The following PRKAR1A variants were observed in gnomAD, a reference collection of about 807,000 sequenced individuals.
PRKAR1A encodes cAMP-dependent protein kinase type I-alpha regulatory subunit.
A neutral mutation model predicts 52.0 loss-of-function variants in PRKAR1A; 3 were observed. That is an observed-to-expected ratio of 0.06 (90% CI 0.03 to 0.15). The LOEUF is 0.15. Ranked by LOEUF, PRKAR1A falls within the 10% of genes least tolerant of loss-of-function variation. The probability of loss-of-function intolerance (pLI) is 1.00; values close to 1 mark genes in which losing one functional copy is unlikely to be tolerated. For missense variants in PRKAR1A, 240 were observed against 477.4 expected (o/e 0.50, Z 4.63); for synonymous variants, 188 against 168.4 (o/e 1.12, Z -0.90).
the PRKAR1A span, among the ~76,000 whole-genome samples, chr17:68,506,143 T>TA: frequency 6.6e-6 from 1 of 152,188 alleles, no homozygotes; most frequent in Non-Finnish European, 1.5e-5. Flanking sequence ...CCAGATGGCT[T>TA]ACAACATCTA....
chr17:68,527,037 T>C (rs1031367509), intron 7 of PRKAR1A, among the ~76,000 whole-genome samples: 6 of 152,232 alleles, frequency 3.9e-5, no homozygotes, highest in Non-Finnish European at 5.9e-5. Flanking sequence ...CTGCATTTCC[T>C]CTACAGGAAT....
At chr17:68,437,685 A>G in the PRKAR1A span, among the ~76,000 whole-genome samples, 11 of 152,214 alleles carry the variant, frequency 7.2e-5, no homozygotes, top group African/African-American at 2.7e-4. Context: ...CTAGACATTG[A>G]GACAAACTAA....
the PRKAR1A span, among the ~76,000 whole-genome samples, chr17:68,434,139 C>A: frequency 6.6e-6 from 1 of 152,126 alleles, no homozygotes; most frequent in East Asian, 1.9e-4. Flanking sequence ...AGGAACTGTG[C>A]CTTCCTGGCA....
intron 2 of PRKAR1A, among the ~76,000 whole-genome samples, chr17:68,521,323 A>G (rs1252561490): frequency 6.6e-6 from 1 of 151,866 alleles, no homozygotes; most frequent in Admixed American, 6.6e-5. Context: ...TCTACCTTCC[A>G]GGCTCAGGTG....
downstream of PRKAR1A, chr17:68,535,140 C>T: frequency 8.0e-6 from 3 of 373,566 alleles, no homozygotes; most frequent in Non-Finnish European, 1.6e-5. Context: ...CTTTTTATTT[C>T]ATGGGAGGTA....
At chr17:68,516,630 C>T (rs1485903998) in intron 2 of PRKAR1A, among the ~76,000 whole-genome samples, 1 of 151,706 alleles carries the variant, frequency 6.6e-6, no homozygotes, top group African/African-American at 2.4e-5. Context: ...CTGTACTAAG[C>T]TTTAAAAAGT....
At chr17:68,509,762 G>A (rs138818014), upstream of PRKAR1A, among the ~76,000 whole-genome samples, 46 of 152,224 alleles carry the variant, frequency 3.0e-4, no homozygotes, top group African/African-American at 8.4e-4. Flanking sequence ...AACTTTCCCC[G>A]GGCTCAACTG....
the PRKAR1A span, chr17:68,457,200 A>ATC: frequency 1.0e-6 from 1 of 963,108 alleles, no homozygotes; most frequent in Non-Finnish European, 1.5e-6. Flanking sequence ...GGATAACAAG[A>ATC]TCCCAATGCG....
intron 5 of PRKAR1A, 104 bp downstream of exon 5, chr17:68,524,181 C>T (rs2085710163): frequency 1.4e-5 from 17 of 1,178,010 alleles, no homozygotes; most frequent in Non-Finnish European, 2.0e-5. Context: ...TTTGATCCTA[C>T]CACTTTTTTT....
the PRKAR1A span, among the ~76,000 whole-genome samples, chr17:68,431,913 T>C: frequency 6.6e-6 from 1 of 152,142 alleles, no homozygotes; most frequent in African/African-American, 2.4e-5. Context: ...GCAATTGCGA[T>C]CACTCACTCG....
At chr17:68,467,291 C>T in the PRKAR1A span, among the ~76,000 whole-genome samples, 228 of 152,290 alleles carry the variant, frequency 1.5e-3, 1 homozygote, top group African/African-American at 5.2e-3. Context: ...AGTGGAATTG[C>T]TGGGTCACCT....
chr17:68,468,671 C>T, the PRKAR1A span, among the ~76,000 whole-genome samples: 2 of 152,156 alleles, frequency 1.3e-5, no homozygotes, highest in Non-Finnish European at 2.9e-5. Context: ...AAAAAGCTGG[C>T]TTGCTTTCCA....
At chr17:68,414,021 C>T in the PRKAR1A span, 1 of 155,496 alleles carries the variant, frequency 6.4e-6, no homozygotes, top group African/African-American at 2.4e-5. Flanking sequence ...GTCTGGCACT[C>T]CCTAGTGAGA....
At chr17:68,454,356 T>A in the PRKAR1A span, among the ~76,000 whole-genome samples, 1 of 152,226 alleles carries the variant, frequency 6.6e-6, no homozygotes, top group Non-Finnish European at 1.5e-5. Context: ...CAAGCCTGGA[T>A]GGCCAAGGCT....
chr17:68,485,192 A>C, the PRKAR1A span, among the ~76,000 whole-genome samples: 32 of 152,208 alleles, frequency 2.1e-4, no homozygotes, highest in Non-Finnish European at 4.4e-4. Flanking sequence ...CACATAGAAC[A>C]ATTTGCCTAG....
chr17:68,471,466 C>G, the PRKAR1A span, among the ~76,000 whole-genome samples: 1 of 152,188 alleles, frequency 6.6e-6, no homozygotes, highest in Non-Finnish European at 1.5e-5. Flanking sequence ...GTGGTATGGA[C>G]AGAAACCCTA....
the PRKAR1A span, among the ~76,000 whole-genome samples, chr17:68,425,419 C>T: frequency 2.2e-5 from 3 of 138,188 alleles, no homozygotes. Flanking sequence ...TGGGGTTTTG[C>T]TGTGTTGCCC....
chr17:68,497,893 A>G, the PRKAR1A span, among the ~76,000 whole-genome samples: 2 of 152,242 alleles, frequency 1.3e-5, no homozygotes, highest in South Asian at 4.1e-4. Flanking sequence ...GAAAGAAGCA[A>G]CAACAAGGCA....
chr17:68,505,760 G>A, the PRKAR1A span, among the ~76,000 whole-genome samples: 1 of 152,112 alleles, frequency 6.6e-6, no homozygotes, highest in African/African-American at 2.4e-5. Flanking sequence ...GTTGCAGTGA[G>A]CTGAGATTGA....
Sources: gnomAD v4.1 joint callset for allele counts (sites outside exome capture counted in the v4.1 genomes callset) on GRCh38, gnomAD v4.1.1 for gene constraint, MANE v1.5 for transcripts, NCBI Gene and HGNC (gene_info 2026-07-23, HGNC 2026-07-21) for gene names.